The following DISC1 variants were observed in gnomAD, a reference collection of about 807,000 sequenced individuals.
The protein encoded by DISC1 is DISC1 scaffold protein, also known as disrupted in schizophrenia 1 protein.
A neutral mutation model predicts 84.5 loss-of-function variants in DISC1; 57 were observed. The observed-to-expected ratio is 0.67, with a 90% CI of 0.55 to 0.84. The LOEUF (loss-of-function observed/expected upper bound fraction) is 0.84, where lower values mean the gene tolerates loss of function less well. Ranked by LOEUF, DISC1 falls within the 40% of genes least tolerant of loss-of-function variation. DISC1 has a pLI of 0.00. For synonymous variants in DISC1, 411 were observed against 415.2 expected (o/e 0.99, Z 0.12); for missense variants, 1,000 against 1,057.8 (o/e 0.95, Z 0.76).
intron 1 of DISC1, among the ~76,000 whole-genome samples, chr1:231,645,590 T>C (rs2060054202): frequency 6.6e-6 from 1 of 152,090 alleles, no homozygotes; most frequent in Non-Finnish European, 1.5e-5. Flanking sequence ...TACATAGGTA[T>C]ACATGTGCTA....
intron 3 of DISC1, among the ~76,000 whole-genome samples, chr1:231,742,309 A>G (rs940788227): frequency 6.6e-6 from 1 of 152,168 alleles, no homozygotes; most frequent in Non-Finnish European, 1.5e-5. Context: ...TGGAGGTAGG[A>G]TGCACCCTTA....
chr1:231,954,639 C>G lies in DISC1; in HGVS notation c.1982-4189C>G, dbSNP rs376477713. ...GCTTCTTGGAACCTTGCCTTACTAC[C>G]ATTGCCATTCTCATAGGTCCCTGCT... On this transcript the variant is annotated intron_variant, in intron 9 of 12. Transcript: ENST00000439617. The surrounding 1 kb of genome is among the most constrained non-coding windows in gnomAD (Gnocchi z 4.8). 2.0e-5 allele frequency among the ~76,000 whole-genome samples: 3 copies of G among 152,240 alleles called. No homozygotes were observed. Among genetic ancestry groups the G allele is most frequent in the African/African-American group, 7.2e-5 (3 of 41,500 alleles).
At chr1:232,028,729 G>A (rs1436995000) in intron 12 of DISC1, among the ~76,000 whole-genome samples, 1 of 152,176 alleles carries the variant, frequency 6.6e-6, no homozygotes, top group Non-Finnish European at 1.5e-5. Flanking sequence ...TTGTCTCACA[G>A]TTCTTAGTAT....
rs1272438685 is a variant in DISC1 at position 232,026,661 on chromosome 1, GTTATTTATAGCAC to G, written c.2425+110_2425+122del. On this transcript the variant is annotated intron_variant, in intron 12 of 12. Coordinates refer to ENST00000439617, the MANE Select transcript of DISC1 (RefSeq NM_018662.3). ...AAGATGGCAACAAATAGATGCTGCC[GTTATTTATAGCAC>G]AGAGCACCTCAGATCTCTGAGATTA... The G allele has an allele frequency of 6.7e-6, 5 of 748,278 alleles. No individual in the cohort carries two copies. The African/African-American group carries it at 8.7e-5, about 13-fold the overall frequency. The allele number at this position is 748,278 out of a possible 1,614,324, so 46.4% of individuals were successfully genotyped here.
intron 4 of DISC1, among the ~76,000 whole-genome samples, chr1:231,754,260 C>T (rs2125347845): frequency 6.6e-6 from 1 of 152,248 alleles, no homozygotes; most frequent in South Asian, 2.1e-4. Context: ...TAAAGAAATA[C>T]CCAAGACTGG....
chr1:231,860,098 A>C (rs2084542327), intron 9 of DISC1, among the ~76,000 whole-genome samples: 1 of 152,216 alleles, frequency 6.6e-6, no homozygotes, highest in South Asian at 2.1e-4. Flanking sequence ...AAAACTGAGA[A>C]ATGGAGTGAT....
intron 1 of DISC1, among the ~76,000 whole-genome samples, chr1:231,667,911 C>T (rs933890416): frequency 6.6e-6 from 1 of 152,016 alleles, no homozygotes; most frequent in African/African-American, 2.4e-5. Context: ...ACATACTTAG[C>T]TGGGCGTGGT....
In DISC1 at chr1:231,701,991, G is replaced by A. The variant is rs1007872026; in HGVS notation, c.1084G>A (p.Glu362Lys). 1 of 1,607,622 alleles carries A rather than the reference G, an allele frequency of 6.2e-7. No homozygotes were observed. Among genetic ancestry groups the A allele is most frequent in the Admixed American group, 1.7e-5 (1 of 59,410 alleles). The change falls in exon 3 of 13, where the codon GAA becomes AAA. Residue 362 changes from glutamate to lysine, a missense_variant. Glu to Lys is a moderately conservative substitution (Grantham distance 56). Transcript: ENST00000439617. Reference protein sequence around the residue: ...SLRLKLQKLQEDAVENDDYDK... With the variant: ...SLRLKLQKLQKDAVENDDYDK... ...AAGATTAAAACTTCAGAAACTTCAG[G>A]AAGATGCAGTTGAGAATGATGATTA...
intron 9 of DISC1, among the ~76,000 whole-genome samples, chr1:231,822,874 A>C (rs1035888103): frequency 3.3e-5 from 5 of 152,132 alleles, no homozygotes; most frequent in African/African-American, 1.2e-4. Flanking sequence ...AAGGGACATG[A>C]CACACTCTTT....
chr1:231,757,595 C>T (rs1017842943), intron 4 of DISC1, among the ~76,000 whole-genome samples: 2 of 151,710 alleles, frequency 1.3e-5, no homozygotes, highest in Non-Finnish European at 2.9e-5. Context: ...GGGCAGATAT[C>T]GGTACTCAAA....
chr1:231,627,809 T>C (rs2058384670), intron 1 of DISC1, among the ~76,000 whole-genome samples: 1 of 152,208 alleles, frequency 6.6e-6, no homozygotes, highest in African/African-American at 2.4e-5. Flanking sequence ...GGCCTCCATG[T>C]GTCGTTAGGT....
intron 9 of DISC1, among the ~76,000 whole-genome samples, chr1:231,880,764 G>A (rs867405000): frequency 6.6e-6 from 1 of 151,992 alleles, no homozygotes; most frequent in African/African-American, 2.4e-5. Flanking sequence ...GGTGGGGGGG[G>A]GGTGAAATCA....
At chr1:231,821,989 C>T (rs137990237) in intron 9 of DISC1, among the ~76,000 whole-genome samples, 156 of 152,254 alleles carry the variant, frequency 1.0e-3, no homozygotes, top group Non-Finnish European at 1.9e-3. Context: ...GCGTGAGCCA[C>T]CGCGCCCGGC....
chr1:231,863,036 T>C (rs202006550), intron 9 of DISC1, among the ~76,000 whole-genome samples: 2 of 152,022 alleles, frequency 1.3e-5, no homozygotes, highest in Non-Finnish European at 2.9e-5. Context: ...ATAAAGTCGG[T>C]CACCCCATTT....
chr1:231,886,774 T>C (rs111453711), intron 9 of DISC1, among the ~76,000 whole-genome samples: 2,439 of 49,866 alleles, frequency 0.049, 41 homozygotes, highest in Middle Eastern at 0.064. Flanking sequence ...TTCCTTTCTT[T>C]CTTTCTTTCT....
At chr1:231,666,643 C>T (rs1464185108) in intron 1 of DISC1, among the ~76,000 whole-genome samples, 1 of 152,200 alleles carries the variant, frequency 6.6e-6, no homozygotes, top group Non-Finnish European at 1.5e-5. Context: ...TCTCTGCCCA[C>T]CCCTCCCTAC....
intron 6 of DISC1, among the ~76,000 whole-genome samples, chr1:231,771,967 G>C (rs574662935): frequency 1.0e-5 from 1 of 95,818 alleles, no homozygotes; most frequent in Non-Finnish European, 2.3e-5. Context: ...TCCACATCTG[G>C]CTATTTTTTT....
At chr1:231,967,159 G>C (rs1399155050) in intron 10 of DISC1, among the ~76,000 whole-genome samples, 1 of 152,226 alleles carries the variant, frequency 6.6e-6, no homozygotes, top group Non-Finnish European at 1.5e-5. Flanking sequence ...CCCTGCTAAT[G>C]AATGTCCAGA....
chr1:231,917,533 G>A (rs2089722600), intron 9 of DISC1, among the ~76,000 whole-genome samples: 1 of 152,260 alleles, frequency 6.6e-6, no homozygotes, highest in East Asian at 1.9e-4. Flanking sequence ...TTTATAATGA[G>A]GAAAAGTGAA....
Sources: allele counts gnomAD v4.1 joint callset (sites outside exome capture counted in the v4.1 genomes callset), GRCh38; gene constraint gnomAD v4.1.1; non-coding constraint Gnocchi (gnomAD v3.1); transcripts MANE v1.5; gene names NCBI Gene and HGNC (gene_info 2026-07-23, HGNC 2026-07-21).